The following AGPAT3 variants were observed in gnomAD, a reference collection of about 807,000 sequenced individuals.
The protein encoded by AGPAT3 is 1-acyl-sn-glycerol-3-phosphate acyltransferase gamma.
A neutral mutation model predicts 47.3 loss-of-function variants in AGPAT3; 5 were observed. The ratio of observed to expected loss-of-function variants is 0.11; its 90% confidence interval spans 0.06 to 0.22. The LOEUF (loss-of-function observed/expected upper bound fraction) is 0.22, where lower values mean the gene tolerates loss of function less well. Among genes scored for constraint, AGPAT3 ranks in the 10% least tolerant of loss-of-function variants. AGPAT3 has a pLI of 1.00. For synonymous variants in AGPAT3, 212 were observed against 208.3 expected (o/e 1.02, Z -0.15); for missense variants, 315 against 493.0 (o/e 0.64, Z 3.42).
intron 3 of AGPAT3, among the ~76,000 whole-genome samples, chr21:43,960,221 A>G (rs558549216): frequency 6.6e-6 from 1 of 152,324 alleles, no homozygotes; most frequent in Non-Finnish European, 1.5e-5. Flanking sequence ...CGCCAACACC[A>G]GAGCATGCTG....
rs910873540 is a variant in AGPAT3, at chr21:43,981,123, C to G, written c.978C>G (p.Val326=). The change falls in exon 9 of 10, where the codon GTC becomes GTG. Residue 326 remains valine (V), a synonymous_variant. Transcript: ENST00000291572. This position sits in a 1 kb window ranked among gnomAD's most constrained non-coding sequence, Gnocchi z 5.3. ...TCCTGTCTCCCCTCTTCAGTTTTGTCTTGGGCGTCTTTGCCAGCGGATCAC... is the reference window on the plus strand; with the variant it reads ...TCCTGTCTCCCCTCTTCAGTTTTGTGTTGGGCGTCTTTGCCAGCGGATCAC... ...TILLSPLFSF[V]LGVFASGSPL... 16 of 1,614,212 alleles carry G rather than the reference C, an allele frequency of 9.9e-6. No homozygotes were observed. Among genetic ancestry groups the G allele is most frequent in the Middle Eastern group, 1.6e-4 (1 of 6,062 alleles).
At chr21:43,960,249 C>T (rs2838450) in intron 3 of AGPAT3, among the ~76,000 whole-genome samples, 64,579 of 152,148 alleles carry the variant, frequency 0.42, 13,828 homozygotes, top group Admixed American at 0.46. Flanking sequence ...TTTCAGCATG[C>T]ATCCCTGAAA....
At position 43,981,303 on chromosome 21, in the gene AGPAT3, A is replaced by G. The variant is rs2089841794; in HGVS notation, c.1042+116A>G. 5 of 1,155,602 alleles carry G rather than the reference A, an allele frequency of 4.3e-6. No homozygotes were observed. Among genetic ancestry groups the G allele is most frequent in the South Asian group, 1.3e-5 (1 of 75,868 alleles). 71.6% of individuals were successfully genotyped at this position (1,155,602 alleles called of 1,614,324 possible). A position where few individuals can be genotyped will look rare whatever the true frequency, so the allele number is the denominator to read the frequency against. On this transcript the variant is annotated intron_variant, in intron 9 of 9. Coordinates refer to ENST00000291572, the MANE Select transcript of AGPAT3 (RefSeq NM_020132.5). This position sits in a 1 kb window ranked among gnomAD's most constrained non-coding sequence, Gnocchi z 5.3. The stretch of plus-strand genomic sequence containing the variant: ...TGTGGGAGGCAGGGGCCTGGCTGTT[A>G]TGGACCCTGGAGCCAGGATCCCCCC...
At chr21:43,935,908 G>T (rs1287039426) in intron 2 of AGPAT3, among the ~76,000 whole-genome samples, 1 of 152,188 alleles carries the variant, frequency 6.6e-6, no homozygotes, top group Non-Finnish European at 1.5e-5. Flanking sequence ...CTCCAGGTGC[G>T]CTAAGCAAAC....
Position 43,952,488 on chromosome 21 carries a change from G to A in AGPAT3, c.-48-7146G>A, listed in dbSNP as rs773559425. ...GGCTCTGATTGGCAAGCAGTGCTCT[G>A]GCCCTGCCCAGGCAGAGGCAGCCTC... On this transcript the variant is annotated intron_variant, in intron 2 of 9. Transcript: ENST00000291572. The surrounding 1 kb of genome is among the most constrained non-coding windows in gnomAD (Gnocchi z 5.6). Among the ~76,000 whole-genome samples, 6 of 152,174 alleles carry A rather than the reference G, an allele frequency of 3.9e-5. No individual in the cohort carries two copies. Among genetic ancestry groups the A allele is most frequent in the Non-Finnish European group, 5.9e-5 (4 of 68,038 alleles).
At chr21:43,886,297 A>T (rs2085976686) in intron 1 of AGPAT3, among the ~76,000 whole-genome samples, 1 of 152,086 alleles carries the variant, frequency 6.6e-6, no homozygotes. Context: ...TCTGTTGCCC[A>T]GGCTGGAGTG....
chr21:43,885,512 A>G (rs1374670419), intron 1 of AGPAT3, among the ~76,000 whole-genome samples: 1 of 150,104 alleles, frequency 6.7e-6, no homozygotes, highest in Non-Finnish European at 1.5e-5. Context: ...TCTCAGCCTC[A>G]CAGGTAGCTG....
chr21:43,935,509 A>G (rs2087414517), intron 2 of AGPAT3, among the ~76,000 whole-genome samples: 1 of 152,256 alleles, frequency 6.6e-6, no homozygotes, highest in Admixed American at 6.5e-5. Context: ...TTAGAGGTCA[A>G]GTCCAGGAGC....
At chr21:43,874,375 A>C (rs1232391990) in intron 1 of AGPAT3, among the ~76,000 whole-genome samples, 1 of 152,200 alleles carries the variant, frequency 6.6e-6, no homozygotes, top group Non-Finnish European at 1.5e-5. Flanking sequence ...GTTCTGCTGT[A>C]CTGTCGTCTT....
rs77662325 is a variant in AGPAT3 at position 43,967,537 on chromosome 21, T to C, written c.179-409T>C. 4.8e-3 allele frequency: 815 copies of C among 169,188 alleles called. 9 individuals carry two copies. Among genetic ancestry groups the C allele is most frequent in the African/African-American group, 0.018 (759 of 42,174 alleles). 10.5% of individuals were successfully genotyped at this position (169,188 alleles called of 1,614,324 possible). ...ATAATTCCATTCTGCTCTTAACTCT[T>C]CATTTTTTCCCACTGTCTGTTCTGC... On this transcript the variant is annotated intron_variant, in intron 3 of 9. Transcript: ENST00000291572.
At chr21:43,898,433 T>G (rs2086276921) in intron 1 of AGPAT3, among the ~76,000 whole-genome samples, 1 of 152,232 alleles carries the variant, frequency 6.6e-6, no homozygotes, top group Non-Finnish European at 1.5e-5. Flanking sequence ...GAATCTACAA[T>G]TAACCTGTAC....
chr21:43,952,843 GCCCCAGAGGTCCCA>G lies in AGPAT3; in HGVS notation c.-48-6786_-48-6773del, dbSNP rs1375637618. Among the ~76,000 whole-genome samples, 1 of 152,040 alleles carries G rather than the reference GCCCCAGAGGTCCCA, an allele frequency of 6.6e-6. No individual in the cohort carries two copies. Among genetic ancestry groups the G allele is most frequent in the Non-Finnish European group, 1.5e-5 (1 of 67,994 alleles). ...GCCCCAGCCCCAGAAATCAGATGGA[GCCCCAGAGGTCCCA>G]CCCCTGAGGTCCCACCCTGTGTGGC... On this transcript the variant is annotated intron_variant, in intron 2 of 9. Coordinates refer to ENST00000291572, the MANE Select transcript of AGPAT3 (RefSeq NM_020132.5). The surrounding 1 kb of genome is among the most constrained non-coding windows in gnomAD (Gnocchi z 5.6).
At chr21:43,904,978 C>G (rs1269920323) in intron 2 of AGPAT3, among the ~76,000 whole-genome samples, 2 of 152,016 alleles carry the variant, frequency 1.3e-5, no homozygotes, top group Non-Finnish European at 2.9e-5. Flanking sequence ...TGAAAGCTAC[C>G]ATTTGATAAA....
intron 1 of AGPAT3, among the ~76,000 whole-genome samples, chr21:43,900,777 G>A (rs899153195): frequency 2.0e-5 from 3 of 152,090 alleles, no homozygotes; most frequent in African/African-American, 7.2e-5. Flanking sequence ...ACCACCCAAG[G>A]TTGTCCTACA....
At chr21:43,975,208 CTGGTGTGTGCTGGTGTGTGGTAATGTTT>C (rs1362934718) in intron 7 of AGPAT3, among the ~76,000 whole-genome samples, 2 of 138,290 alleles carry the variant, frequency 1.4e-5, no homozygotes, top group African/African-American at 2.7e-5. Context: ...GTGGTGTGTT[CTGGTGTGTGCTGGTGTGTGGTAATGTTT>C]TGGTGTGTGC....
chr21:43,914,321 T>C (rs1045693357), intron 2 of AGPAT3, among the ~76,000 whole-genome samples: 1 of 152,256 alleles, frequency 6.6e-6, no homozygotes, highest in African/African-American at 2.4e-5. Context: ...GTTGCTTCAT[T>C]AAAGGGATTG....
At chr21:43,887,930 G>C (rs1274827212) in intron 1 of AGPAT3, among the ~76,000 whole-genome samples, 1 of 152,244 alleles carries the variant, frequency 6.6e-6, no homozygotes, top group Non-Finnish European at 1.5e-5. Context: ...TGGGATGACA[G>C]GCATGAGCCA....
intron 2 of AGPAT3, among the ~76,000 whole-genome samples, chr21:43,927,526 C>T (rs1195441584): frequency 6.6e-6 from 1 of 152,186 alleles, no homozygotes. Context: ...GTCAAGTGCT[C>T]GGCACCTCTC....
intron 4 of AGPAT3, among the ~76,000 whole-genome samples, chr21:43,968,669 C>T (rs1172275480): frequency 6.6e-6 from 1 of 152,074 alleles, no homozygotes; most frequent in Non-Finnish European, 1.5e-5. Context: ...TCAGCTGTCC[C>T]CGAGCTGTGC....
Sources: allele counts gnomAD v4.1 joint callset (sites outside exome capture counted in the v4.1 genomes callset), GRCh38; gene constraint gnomAD v4.1.1; non-coding constraint Gnocchi (gnomAD v3.1); transcripts MANE v1.5; gene names NCBI Gene and HGNC (gene_info 2026-07-23, HGNC 2026-07-21).